TULP4: variants seen among roughly 807,000 people sequenced by gnomAD.
The protein encoded by TULP4 is TUB like protein 4, also known as tubby-related protein 4.
In TULP4, 16 loss-of-function variants were observed where a neutral mutation model predicts 129.0. The observed-to-expected ratio is 0.12, with a 90% CI of 0.08 to 0.19. The LOEUF (loss-of-function observed/expected upper bound fraction) is 0.19, where lower values mean the gene tolerates loss of function less well. Ranked by LOEUF, TULP4 falls within the 10% of genes least tolerant of loss-of-function variation. TULP4 has a pLI of 1.00. For missense variants in TULP4, 1,842 were observed against 2,059.1 expected, an observed-to-expected ratio of 0.89 and a Z score of 2.04; for synonymous variants, 998 against 854.0, an observed-to-expected ratio of 1.17 and a Z score of -2.94.
intron 12 of TULP4, 82 bp from the exon 13 acceptor site, chr6:158,501,596 T>G (rs1360906339): frequency 6.7e-6 from 9 of 1,345,980 alleles, no homozygotes; most frequent in Non-Finnish European, 8.2e-6. Flanking sequence ...GGAGACTGGA[T>G]GAGTCCAGAC....
chr6:158,490,573 T>C (rs1274229414), intron 9 of TULP4, among the ~76,000 whole-genome samples: 1 of 152,138 alleles, frequency 6.6e-6, no homozygotes, highest in Non-Finnish European at 1.5e-5. Flanking sequence ...TCTGTCCAAA[T>C]CGTAAACACC....
intron 1 of TULP4, among the ~76,000 whole-genome samples, chr6:158,349,041 G>T (rs1261395796): frequency 3.1e-4 from 18 of 57,850 alleles, no homozygotes; most frequent in South Asian, 5.0e-4. Flanking sequence ...GGGCAGAGGC[G>T]CTCCTCACTT....
In TULP4 at chr6:158,502,060, G is replaced by A. The variant is rs1322667105; in HGVS notation, c.2397G>A (p.Gln799=). 3.1e-6 allele frequency: 5 copies of A among 1,613,298 alleles called. No individual in the cohort carries two copies. The highest frequency in any genetic ancestry group is 1.3e-5 in the African/African-American group (1 of 74,812). Residue 799 remains glutamine, a synonymous_variant, in exon 13 of 14, where the codon CAG becomes CAA. Transcript: ENST00000367097. The stretch of plus-strand genomic sequence containing the variant: ...GAGACCGAGACCACGAACACCTGCA[G>A]AAGTCAGCCAAGGCCCTGCGGCCAA... ...GHGDRDHEHL[Q]KSAKALRPTP...
intron 1 of TULP4, among the ~76,000 whole-genome samples, chr6:158,244,991 AT>A (rs907099329): frequency 6.6e-6 from 1 of 151,786 alleles, no homozygotes; most frequent in African/African-American, 2.4e-5. Flanking sequence ...TTTAGACACA[AT>A]TTTTTTATTT....
intron 2 of TULP4, among the ~76,000 whole-genome samples, chr6:158,418,180 C>A (rs1002689313): frequency 2.7e-5 from 4 of 150,540 alleles, no homozygotes; most frequent in African/African-American, 9.8e-5. Context: ...ATCTTCGGCT[C>A]ACTGCAACCT....
At chr6:158,330,357 C>G (rs1488822209) in intron 1 of TULP4, among the ~76,000 whole-genome samples, 1 of 142,532 alleles carries the variant, frequency 7.0e-6, no homozygotes, top group Non-Finnish European at 1.5e-5. Flanking sequence ...ATTTAAAAAC[C>G]CTTTTATTTG....
chr6:158,367,037 T>C (rs187141090), intron 1 of TULP4, among the ~76,000 whole-genome samples: 21 of 144,738 alleles, frequency 1.5e-4, no homozygotes, highest in Non-Finnish European at 2.3e-4. Flanking sequence ...TTTTCTAAGC[T>C]GGACTTTGCT....
chr6:158,374,632 G>A (rs1777146074), intron 1 of TULP4, among the ~76,000 whole-genome samples: 1 of 152,146 alleles, frequency 6.6e-6, no homozygotes, highest in Admixed American at 6.5e-5. Flanking sequence ...CTTAGAAGTG[G>A]ACAAAGCTGT....
chr6:158,309,066 C>A (rs1234420046), upstream of TULP4, among the ~76,000 whole-genome samples: 1 of 129,672 alleles, frequency 7.7e-6, no homozygotes, highest in African/African-American at 2.8e-5. Context: ...GGGTGGCTGC[C>A]GGGCGGAGAC....
At chr6:158,266,033 A>G (rs1319980625) in intron 1 of TULP4, among the ~76,000 whole-genome samples, 1 of 152,224 alleles carries the variant, frequency 6.6e-6, no homozygotes, top group Non-Finnish European at 1.5e-5. Context: ...AAAATAGTAC[A>G]TTTGTAAAAG....
Position 158,441,191 on chromosome 6 carries a change from G to A in TULP4, c.544-7805G>A, listed in dbSNP as rs374186162. Reference sequence around the variant, plus strand: ...TACCCAGGCACGATGGTGCACGGCTGTAATCCCAGCTAGTCGGGAGGCTGA... The same window carrying A: ...TACCCAGGCACGATGGTGCACGGCTATAATCCCAGCTAGTCGGGAGGCTGA... On this transcript the variant is annotated intron_variant, in intron 3 of 13. Coordinates refer to ENST00000367097, the MANE Select transcript of TULP4 (RefSeq NM_020245.5). Among the ~76,000 whole-genome samples, 59 of 152,220 alleles carry A rather than the reference G, an allele frequency of 3.9e-4. 1 individual carries two copies. In the South Asian group the frequency reaches 0.012, roughly 30 times the overall value.
chr6:158,455,529 G>C (rs1018725138), intron 5 of TULP4, among the ~76,000 whole-genome samples: 1 of 152,038 alleles, frequency 6.6e-6, no homozygotes, highest in Non-Finnish European at 1.5e-5. Flanking sequence ...CTGAGGTCAG[G>C]AGTTCGAGAC....
In TULP4 at chr6:158,498,671, A is replaced by T. The variant is rs541828029; in HGVS notation, c.1873A>T (p.Ile625Phe). The T allele has an allele frequency of 6.2e-7, 1 of 1,614,138 alleles. No homozygotes were observed. Among genetic ancestry groups the T allele is most frequent in the East Asian group, 2.2e-5 (1 of 44,886 alleles). ...AFLPTNLGAV[I>F]YKTSLLHLQP... Reference sequence around the variant, plus strand: ...GTGCCCTTCTTTTTCCCCACCAGTAATCTATAAAACCAGCCTCCTGCATCT... The same window carrying T: ...GTGCCCTTCTTTTTCCCCACCAGTATTCTATAAAACCAGCCTCCTGCATCT... The change falls in exon 12 of 14, where the codon ATC becomes TTC. Residue 625 changes from isoleucine to phenylalanine, a missense_variant and splice_region_variant. Around this residue, in one of 5 missense-constraint regions of TULP4, gnomAD observed 99 missense variants for 165.1 expected, o/e 0.60. Coordinates refer to ENST00000367097, the MANE Select transcript of TULP4 (RefSeq NM_020245.5).
chr6:158,339,328 C>G (rs558598243), intron 1 of TULP4, among the ~76,000 whole-genome samples: 1 of 151,634 alleles, frequency 6.6e-6, no homozygotes, highest in East Asian at 1.9e-4. Context: ...GATCACAAGG[C>G]AGAAGGTCAG....
intron 6 of TULP4, among the ~76,000 whole-genome samples, chr6:158,476,431 C>T (rs1779821967): frequency 6.6e-6 from 1 of 152,142 alleles, no homozygotes; most frequent in Non-Finnish European, 1.5e-5. Flanking sequence ...CTTTTTCTCC[C>T]AGGTTCTAAT....
chr6:158,276,343 C>T (rs1778646365), intron 1 of TULP4, among the ~76,000 whole-genome samples: 1 of 147,162 alleles, frequency 6.8e-6, no homozygotes, highest in Non-Finnish European at 1.5e-5. Context: ...TTTGCTCTGA[C>T]ACCCAAGCTG....
intron 6 of TULP4, among the ~76,000 whole-genome samples, chr6:158,476,910 G>A (rs567264763): frequency 6.6e-6 from 1 of 152,186 alleles, no homozygotes; most frequent in Non-Finnish European, 1.5e-5. Flanking sequence ...GAGCTGGGGA[G>A]GGATGAGAAT....
chr6:158,423,114 CA>C lies in TULP4; in HGVS notation c.382-6616del, dbSNP rs1485704909. ...CAATACAGCAAGACCCCTTCCTCCA[CA>C]AAAAAGAGGGGGGGGGGGGGAAAGA... On this transcript the variant is annotated intron_variant, in intron 2 of 13. Transcript: ENST00000367097. 3.2e-4 allele frequency among the ~76,000 whole-genome samples: 13 copies of C among 41,046 alleles called. No homozygotes were observed. The South Asian group carries it at 6.7e-3, about 21-fold the overall frequency. 26.9% of individuals were successfully genotyped at this position (41,046 alleles called of 152,430 possible).
At chr6:158,349,557 T>G (rs1441091688) in intron 1 of TULP4, among the ~76,000 whole-genome samples, 256 of 32,638 alleles carry the variant, frequency 7.8e-3, no homozygotes, top group Non-Finnish European at 8.1e-3. Context: ...TCCCAGACGA[T>G]GGGTGGCCGG....
Sources: allele counts gnomAD v4.1 joint callset (sites outside exome capture counted in the v4.1 genomes callset), GRCh38; gene constraint gnomAD v4.1.1; regional missense constraint gnomAD v4.1.1; transcripts MANE v1.5; gene names NCBI Gene and HGNC (gene_info 2026-07-23, HGNC 2026-07-21).